Variants in GFRA2 observed in about 807,000 individuals in gnomAD.
The protein encoded by GFRA2 is GDNF family receptor alpha-2.
A neutral mutation model predicts 48.3 loss-of-function variants in GFRA2; 17 were observed. The observed-to-expected ratio is 0.35, with a 90% CI of 0.24 to 0.53. The LOEUF is 0.53. Ranked by LOEUF, GFRA2 falls within the 20% of genes least tolerant of loss-of-function variation. GFRA2 has a pLI of 0.93. For missense variants in GFRA2, 660 were observed against 637.3 expected (o/e 1.04, Z -0.38); for synonymous variants, 305 against 257.2 (o/e 1.19, Z -1.78).
chr8:21,713,975 C>T (rs73669524), intron 4 of GFRA2, among the ~76,000 whole-genome samples: 4 of 152,252 alleles, frequency 2.6e-5, no homozygotes, highest in Admixed American at 1.3e-4. Context: ...CCCACAGTTA[C>T]GTGGCAAAGA....
At chr8:21,746,958 T>C (rs1805036998) in intron 4 of GFRA2, among the ~76,000 whole-genome samples, 1 of 152,110 alleles carries the variant, frequency 6.6e-6, no homozygotes, top group Non-Finnish European at 1.5e-5. Context: ...CACCCTTCCT[T>C]AAAGCAATAC....
chr8:21,752,503 T>A (rs1805343022), intron 3 of GFRA2, among the ~76,000 whole-genome samples: 1 of 152,028 alleles, frequency 6.6e-6, no homozygotes, highest in Non-Finnish European at 1.5e-5. Flanking sequence ...GGTCCCGTCT[T>A]CCATACCCAG....
At chr8:21,765,603 G>A (rs763863547) in intron 3 of GFRA2, among the ~76,000 whole-genome samples, 9 of 151,942 alleles carry the variant, frequency 5.9e-5, no homozygotes, top group African/African-American at 1.5e-4. Context: ...TTTAAACACT[G>A]TCTATATGCT....
At position 21,782,529 on chromosome 8, in the gene GFRA2, G is replaced by A. The variant is rs1003634313; in HGVS notation, c.355+56C>T. The A allele has an allele frequency of 2.4e-4, 320 of 1,350,122 alleles. 2 individuals carry two copies. The highest frequency in any genetic ancestry group is 7.2e-4 in the Middle Eastern group (3 of 4,152). The allele number at this position is 1,350,122 out of a possible 1,614,324, so 83.6% of individuals were successfully genotyped here. A position where few individuals can be genotyped will look rare whatever the true frequency, so the allele number is the denominator to read the frequency against. Reference sequence around the variant, plus strand: ...CTCCTGAACCCCTGGCCCGCCACACGTCCTCTCTGCCTGCGCCACACCCCC... The same window carrying A: ...CTCCTGAACCCCTGGCCCGCCACACATCCTCTCTGCCTGCGCCACACCCCC... On this transcript the variant is annotated intron_variant, in intron 2 of 8. Coordinates refer to ENST00000524240, the MANE Select transcript of GFRA2 (RefSeq NM_001495.5).
At chr8:21,797,059 G>A (rs1289812906) in intron 2 of GFRA2, among the ~76,000 whole-genome samples, 2 of 152,194 alleles carry the variant, frequency 1.3e-5, no homozygotes, top group Non-Finnish European at 2.9e-5. Flanking sequence ...GCTGATCTAG[G>A]ACTGGGCCAA....
chr8:21,698,439 G>C (rs1353358543), intron 7 of GFRA2, among the ~76,000 whole-genome samples: 2 of 152,120 alleles, frequency 1.3e-5, no homozygotes, highest in Non-Finnish European at 2.9e-5. Context: ...CCTCTTCCTT[G>C]CCCACCTCCT....
In GFRA2 at chr8:21,782,796, G is replaced by A. The variant is rs1246721284; in HGVS notation, c.144C>T (p.Ala48=). Residue 48 remains alanine (A), a synonymous_variant, in exon 2 of 9, where the codon GCC becomes GCT. Coordinates refer to ENST00000524240, the MANE Select transcript of GFRA2 (RefSeq NM_001495.5). ...VDCVRANELC[A]AESNCSSRYR... ...AGCGAGAGCTGCAGTTGGATTCGGCGGCACACAGCTCATTGGCCCGGACAC... is the reference window on the plus strand; with the variant it reads ...AGCGAGAGCTGCAGTTGGATTCGGCAGCACACAGCTCATTGGCCCGGACAC... The A allele has an allele frequency of 5.7e-6, 9 of 1,583,930 alleles. No individual in the cohort carries two copies. Among genetic ancestry groups the A allele is most frequent in the South Asian group, 1.1e-5 (1 of 87,422 alleles).
At chr8:21,767,964 GAGA>G (rs1288310561) in intron 3 of GFRA2, among the ~76,000 whole-genome samples, 1 of 150,466 alleles carries the variant, frequency 6.6e-6, no homozygotes, top group Non-Finnish European at 1.5e-5. Flanking sequence ...TTGACAGAGA[GAGA>G]GAGAGAGAGC....
chr8:21,757,239 C>G (rs1047543529), intron 3 of GFRA2, among the ~76,000 whole-genome samples: 2 of 152,186 alleles, frequency 1.3e-5, no homozygotes, highest in East Asian at 3.9e-4. Flanking sequence ...CAGCCACACC[C>G]AGCCCAGCCT....
chr8:21,746,129 G>T (rs537993990), intron 4 of GFRA2, among the ~76,000 whole-genome samples: 42 of 152,288 alleles, frequency 2.8e-4, no homozygotes, highest in Non-Finnish European at 6.2e-4. Flanking sequence ...TGAAGACCAT[G>T]CAGGAGGCCC....
chr8:21,741,272 C>T (rs549756833), intron 4 of GFRA2, among the ~76,000 whole-genome samples: 4 of 152,196 alleles, frequency 2.6e-5, no homozygotes, highest in East Asian at 1.9e-4. Context: ...ACCTTTCCCC[C>T]CTTTCCCTCC....
intron 3 of GFRA2, among the ~76,000 whole-genome samples, chr8:21,770,659 G>C (rs1461284542): frequency 1.3e-5 from 2 of 152,162 alleles, no homozygotes; most frequent in Non-Finnish European, 2.9e-5. Flanking sequence ...CCCTCACCCA[G>C]GATGCAGACA....
chr8:21,788,038 AGCCCCCCACCGGCGCTCCGCTC>A, intron 1 of GFRA2, 60 bp downstream of exon 1: 1 of 181,740 alleles, frequency 5.5e-6, no homozygotes, highest in South Asian at 8.4e-5. Context: ...ACCTCCCGCC[AGCCCCCCACCGGCGCTCCGCTC>A]GCCCCCCGCC....
rs1805266097 is a variant in GFRA2, at chr8:21,750,985, TGAG to T, written c.440-46_440-44del. The T allele has an allele frequency of 7.5e-7, 1 of 1,338,070 alleles. No homozygotes were observed. Among genetic ancestry groups the T allele is most frequent in the Non-Finnish European group, 1.1e-6 (1 of 949,828 alleles). 82.9% of individuals were successfully genotyped at this position (1,338,070 alleles called of 1,614,324 possible). A position where few individuals can be genotyped will look rare whatever the true frequency, so the allele number is the denominator to read the frequency against. ...GAGCAGGTCAGAGGCCACACAAGCA[TGAG>T]GAGGACACAGCTGCCCCCTCACTGG... is the stretch of plus-strand genomic sequence containing the variant. On this transcript the variant is annotated intron_variant, in intron 3 of 8. Transcript: ENST00000524240. The surrounding 1 kb of genome is among the most constrained non-coding windows in gnomAD (Gnocchi z 5.7).
intron 2 of GFRA2, among the ~76,000 whole-genome samples, chr8:21,777,401 G>T (rs1436736414): frequency 1.3e-5 from 2 of 152,002 alleles, no homozygotes; most frequent in Non-Finnish European, 2.9e-5. Context: ...TGATTAATGG[G>T]GTGGGGGTGG....
chr8:21,781,819 C>T (rs1807004066), intron 2 of GFRA2, among the ~76,000 whole-genome samples: 1 of 152,130 alleles, frequency 6.6e-6, no homozygotes. Context: ...AGATGCAAAT[C>T]CTCCACACCC....
At chr8:21,756,985 G>A (rs1174979579) in intron 3 of GFRA2, among the ~76,000 whole-genome samples, 1 of 152,198 alleles carries the variant, frequency 6.6e-6, no homozygotes, top group Non-Finnish European at 1.5e-5. Context: ...CTGCCCAAGG[G>A]AGAGGGAGGC....
In GFRA2 at chr8:21,773,428, T is replaced by A. The variant is rs372254186; in HGVS notation, c.439+1544A>T. Among the ~76,000 whole-genome samples the A allele has an allele frequency of 8.9e-3, 1,360 of 152,346 alleles. 17 individuals carry two copies. Among genetic ancestry groups the A allele is most frequent in the African/African-American group, 0.031 (1,302 of 41,582 alleles). The stretch of plus-strand genomic sequence containing the variant: ...ACCCACTGGCCAGTGCCTCCCTTCC[T>A]GGGCATCCAAGATTTCTCCCACTAG... On this transcript the variant is annotated intron_variant, in intron 3 of 8. Transcript: ENST00000524240.
Position 21,750,604 on chromosome 8 carries a change from T to A in GFRA2, c.778A>T (p.Thr260Ser). The A allele has an allele frequency of 6.2e-7, 1 of 1,605,682 alleles. No homozygotes were observed. ...GGCACTCACCGACACAGGTGGTCAG[T>A]CCGGCACACGCCACGCAGGTCCAGG... Reference protein sequence around the residue: ...NCLDLRGVCRTDHLCRSRLAD... With the variant: ...NCLDLRGVCRSDHLCRSRLAD... The change falls in exon 4 of 9, where the codon ACT (threonine) becomes TCT (serine). Residue 260 changes from threonine (T) to serine (S), a missense_variant. Coordinates refer to ENST00000524240, the MANE Select transcript of GFRA2 (RefSeq NM_001495.5). This position sits in a 1 kb window ranked among gnomAD's most constrained non-coding sequence, Gnocchi z 5.7.
Sources: allele counts gnomAD v4.1 joint callset (sites outside exome capture counted in the v4.1 genomes callset), GRCh38; gene constraint gnomAD v4.1.1; non-coding constraint Gnocchi (gnomAD v3.1); transcripts MANE v1.5; gene names NCBI Gene and HGNC (gene_info 2026-07-23, HGNC 2026-07-21).